Variants in XNDC1N observed in about 807,000 individuals in gnomAD.
XNDC1N encodes protein XNDC1N.
the XNDC1N span, among the ~76,000 whole-genome samples, chr11:71,913,907 G>T: frequency 1.3e-5 from 2 of 152,274 alleles, no homozygotes; most frequent in South Asian, 4.1e-4. Flanking sequence ...GCAAAGCCTA[G>T]ATGACAGCAC....
the XNDC1N span, among the ~76,000 whole-genome samples, chr11:71,896,512 C>G: frequency 6.6e-6 from 1 of 152,214 alleles, no homozygotes; most frequent in Admixed American, 6.5e-5. Flanking sequence ...CTAACTTTCT[C>G]ATTATGCTGG....
chr11:71,927,570 C>T, the XNDC1N span: 1 of 150,898 alleles, frequency 6.6e-6, no homozygotes, highest in African/African-American at 2.4e-5. Context: ...AAACACAATA[C>T]AATACTATAT....
the XNDC1N span, among the ~76,000 whole-genome samples, chr11:71,912,484 A>C: frequency 1.3e-5 from 2 of 152,134 alleles, no homozygotes; most frequent in African/African-American, 4.8e-5. Context: ...GAGTAATATC[A>C]TTCTTTTCCT....
the XNDC1N span, among the ~76,000 whole-genome samples, chr11:71,913,957 C>T: frequency 1.3e-5 from 2 of 152,214 alleles, no homozygotes; most frequent in Non-Finnish European, 2.9e-5. Context: ...TTTAAACCCA[C>T]AGTTGAAACC....
At chr11:71,909,511 C>T in the XNDC1N span, among the ~76,000 whole-genome samples, 131 of 152,306 alleles carry the variant, frequency 8.6e-4, 1 homozygote, top group African/African-American at 3.1e-3. Context: ...AGGGGCCCTG[C>T]TCAACCTGGC....
the XNDC1N span, among the ~76,000 whole-genome samples, chr11:71,887,136 G>T: frequency 1.3e-5 from 2 of 152,212 alleles, no homozygotes; most frequent in Non-Finnish European, 1.5e-5. Context: ...TGACAGTCGG[G>T]GGTGGAGACA....
chr11:71,880,982 T>G, the XNDC1N span, among the ~76,000 whole-genome samples: 82 of 152,362 alleles, frequency 5.4e-4, no homozygotes, highest in African/African-American at 1.9e-3. Context: ...GAATGTGTAC[T>G]CCACAGCTTT....
the XNDC1N span, among the ~76,000 whole-genome samples, chr11:71,918,310 G>T: frequency 3.9e-5 from 6 of 152,126 alleles, no homozygotes; most frequent in African/African-American, 1.4e-4. Context: ...GTGAGACAGG[G>T]TCTCACTGTT....
chr11:71,895,378 C>T, the XNDC1N span, among the ~76,000 whole-genome samples: 8 of 151,842 alleles, frequency 5.3e-5, no homozygotes, highest in East Asian at 1.9e-4. Flanking sequence ...GGCACGGTCT[C>T]GGCTCACTGC....
chr11:71,877,366 G>C, the XNDC1N span, among the ~76,000 whole-genome samples: 1 of 152,192 alleles, frequency 6.6e-6, no homozygotes. Context: ...GGCCAGACGT[G>C]GTGGCTCACC....
At chr11:71,886,942 C>T in the XNDC1N span, among the ~76,000 whole-genome samples, 3,532 of 151,626 alleles carry the variant, frequency 0.023, no homozygotes, top group African/African-American at 0.082. Context: ...GCAGCATAAC[C>T]AGTGTGCTGA....
the XNDC1N span, among the ~76,000 whole-genome samples, chr11:71,906,276 C>A: frequency 2.6e-5 from 4 of 151,496 alleles, no homozygotes; most frequent in Non-Finnish European, 5.9e-5. Context: ...GGAGTATAGA[C>A]CCCTGGGAAA....
the XNDC1N span, chr11:71,865,966 T>C: frequency 3.2e-6 from 1 of 314,288 alleles, no homozygotes; most frequent in Admixed American, 4.6e-5. Flanking sequence ...GTAAAGAAAT[T>C]ATCAGTTAAA....
the XNDC1N span, among the ~76,000 whole-genome samples, chr11:71,921,286 G>A: frequency 1.3e-5 from 2 of 152,132 alleles, no homozygotes; most frequent in South Asian, 2.1e-4. Context: ...CTGAGGAGCT[G>A]GGACTACAGG....
chr11:71,920,700 T>C, the XNDC1N span, among the ~76,000 whole-genome samples: 4 of 152,182 alleles, frequency 2.6e-5, no homozygotes, highest in African/African-American at 9.7e-5. Flanking sequence ...GATGCTTAGA[T>C]ATAAAGTGAT....
chr11:71,881,532 T>C, the XNDC1N span, among the ~76,000 whole-genome samples: 2 of 152,192 alleles, frequency 1.3e-5, no homozygotes, highest in Admixed American at 6.5e-5. Context: ...TGGCATTTTT[T>C]TGTGCACATG....
the XNDC1N span, chr11:71,903,311 G>A: frequency 7.1e-7 from 1 of 1,412,842 alleles, no homozygotes; most frequent in Non-Finnish European, 1.0e-6. Flanking sequence ...CACGGTGCTG[G>A]AGAACCTGCT....
the XNDC1N span, among the ~76,000 whole-genome samples, chr11:71,899,397 T>C: frequency 5.3e-5 from 8 of 152,198 alleles, no homozygotes; most frequent in African/African-American, 1.9e-4. Context: ...ATCAGACTCT[T>C]ACTGTGTCTA....
the XNDC1N span, among the ~76,000 whole-genome samples, chr11:71,894,776 C>T: frequency 4.6e-5 from 7 of 152,232 alleles, no homozygotes; most frequent in Non-Finnish European, 8.8e-5. Flanking sequence ...GGTCCTCCAA[C>T]ACCATTGGTT....
Sources: gnomAD v4.1 joint callset for allele counts (sites outside exome capture counted in the v4.1 genomes callset) on GRCh38, gnomAD v4.1.1 for gene constraint, MANE v1.5 for transcripts, NCBI Gene and HGNC (gene_info 2026-07-23, HGNC 2026-07-21) for gene names.